CTNNA3: variants seen among roughly 807,000 people sequenced by gnomAD.
CTNNA3 encodes catenin alpha-3.
CTNNA3 carries 76 observed loss-of-function variants against 95.7 expected under a neutral mutation model. The ratio of observed to expected loss-of-function variants is 0.79; its 90% CI spans 0.66 to 0.96. The LOEUF (loss-of-function observed/expected upper bound fraction) is 0.96. Ranked by LOEUF, CTNNA3 falls within the 40% of genes least tolerant of loss-of-function variation. CTNNA3 has a pLI of 0.00. For missense variants in CTNNA3, 1,191 were observed against 1,089.8 expected (o/e 1.09, Z -1.31); for synonymous variants, 431 against 374.4 (o/e 1.15, Z -1.74).
At chr10:66,726,123 C>T (rs1245832589) in intron 9 of CTNNA3, among the ~76,000 whole-genome samples, 1 of 151,836 alleles carries the variant, frequency 6.6e-6, no homozygotes, top group Non-Finnish European at 1.5e-5. Context: ...TATAAGAGCT[C>T]GACATAATGT....
chr10:67,602,171 A>ATT (rs2133370469), intron 3 of CTNNA3, among the ~76,000 whole-genome samples: 1 of 138,050 alleles, frequency 7.2e-6, no homozygotes, highest in South Asian at 2.5e-4. Context: ...CCTTCACCTT[A>ATT]TGCCACTGGA....
At chr10:67,583,615 G>C (rs1842500258) in intron 3 of CTNNA3, among the ~76,000 whole-genome samples, 1 of 152,178 alleles carries the variant, frequency 6.6e-6, no homozygotes, top group Admixed American at 6.5e-5. Flanking sequence ...TGCCTTGCTA[G>C]GTTGTGGAAG....
chr10:66,370,870 TG>T (rs2092748914), intron 12 of CTNNA3, among the ~76,000 whole-genome samples: 1 of 152,034 alleles, frequency 6.6e-6, no homozygotes, highest in South Asian at 2.1e-4. Context: ...CCACCATGCC[TG>T]GCTAACATTT....
intron 7 of CTNNA3, among the ~76,000 whole-genome samples, chr10:67,063,473 G>C (rs185260842): frequency 1.4e-3 from 212 of 152,266 alleles, no homozygotes; most frequent in African/African-American, 4.9e-3. Flanking sequence ...GTGAGGCAGG[G>C]TCAAGAGTTC....
chr10:66,183,573 A>T (rs2086164632), intron 13 of CTNNA3, among the ~76,000 whole-genome samples: 1 of 152,254 alleles, frequency 6.6e-6, no homozygotes. Context: ...ATACTATGCC[A>T]ATGGGCATTG....
intron 15 of CTNNA3, among the ~76,000 whole-genome samples, chr10:66,028,977 A>G (rs1366397343): frequency 6.6e-6 from 1 of 152,172 alleles, no homozygotes; most frequent in East Asian, 1.9e-4. Flanking sequence ...ATTGGAAGAT[A>G]AAATGAAGAA....
At chr10:66,236,679 GA>G (rs1462519820) in intron 13 of CTNNA3, among the ~76,000 whole-genome samples, 1 of 151,970 alleles carries the variant, frequency 6.6e-6, no homozygotes, top group Non-Finnish European at 1.5e-5. Flanking sequence ...GGTTTTCAGA[GA>G]AAAAATACAC....
intron 1 of CTNNA3, among the ~76,000 whole-genome samples, chr10:67,703,862 T>C (rs1394393566): frequency 6.6e-6 from 1 of 152,216 alleles, no homozygotes; most frequent in Admixed American, 6.5e-5. Context: ...GACATGATTG[T>C]ATATCTAGAA....
In CTNNA3 at chr10:66,778,601, C is replaced by T. The variant is rs545519605; in HGVS notation, c.1048-3077G>A. Among the ~76,000 whole-genome samples, 250 of 152,134 alleles carry T rather than the reference C, an allele frequency of 1.6e-3. 1 individual carries two copies. The highest frequency in any genetic ancestry group is 5.6e-3 in the African/African-American group (233 of 41,496). On this transcript the variant is annotated intron_variant, in intron 7 of 17. Transcript: ENST00000433211. Reference sequence around the variant, plus strand: ...GGAGTGTCAGGCAGATAGACACTCACATGGCACAGGTCAGCACTGTATAGG... The same window carrying T: ...GGAGTGTCAGGCAGATAGACACTCATATGGCACAGGTCAGCACTGTATAGG...
chr10:66,342,340 A>T (rs2092462563), intron 12 of CTNNA3, among the ~76,000 whole-genome samples: 1 of 152,038 alleles, frequency 6.6e-6, no homozygotes, highest in African/African-American at 2.4e-5. Flanking sequence ...AAATGAATAG[A>T]TAATTGAGGA....
At chr10:67,257,734 A>T (rs988555797) in intron 5 of CTNNA3, among the ~76,000 whole-genome samples, 2 of 152,140 alleles carry the variant, frequency 1.3e-5, no homozygotes, top group Admixed American at 1.3e-4. Flanking sequence ...GGATAAGAAA[A>T]ACCAAATTTT....
chr10:66,849,153 C>A (rs1171690197), intron 7 of CTNNA3, among the ~76,000 whole-genome samples: 1 of 152,158 alleles, frequency 6.6e-6, no homozygotes, highest in Non-Finnish European at 1.5e-5. Flanking sequence ...TAATGGAACA[C>A]CTCATTTAAG....
chr10:66,521,124 AAAT>A (rs139745874), intron 10 of CTNNA3, among the ~76,000 whole-genome samples: 123 of 151,470 alleles, frequency 8.1e-4, no homozygotes, highest in African/African-American at 2.8e-3. Flanking sequence ...AAAAACAGTA[AAAT>A]GTCTCCATAT....
intron 7 of CTNNA3, among the ~76,000 whole-genome samples, chr10:67,069,260 C>T (rs1361096325): frequency 6.6e-6 from 1 of 151,848 alleles, no homozygotes; most frequent in South Asian, 2.1e-4. Flanking sequence ...ATTAGAGAAT[C>T]TCAGAATTAA....
chr10:67,490,841 C>G (rs367900938), intron 5 of CTNNA3, among the ~76,000 whole-genome samples: 38 of 152,116 alleles, frequency 2.5e-4, no homozygotes, highest in African/African-American at 8.7e-4. Context: ...GGAAACTACA[C>G]AGTGAACATA....
chr10:66,371,113 C>G (rs141959936), intron 12 of CTNNA3, among the ~76,000 whole-genome samples: 1 of 152,016 alleles, frequency 6.6e-6, no homozygotes, highest in Non-Finnish European at 1.5e-5. Context: ...GTCAAAGTAC[C>G]CATTCCGTTG....
At chr10:67,504,454 A>AAAC (rs1839368424) in intron 5 of CTNNA3, among the ~76,000 whole-genome samples, 1 of 150,318 alleles carries the variant, frequency 6.7e-6, no homozygotes, top group African/African-American at 2.4e-5. Flanking sequence ...AAAAAAAAAA[A>AAAC]AAAAAACAGA....
Position 67,186,555 on chromosome 10 carries a change from C to T in CTNNA3, c.844-6035G>A, listed in dbSNP as rs769987153. On this transcript the variant is annotated intron_variant, in intron 6 of 17. Coordinates refer to ENST00000433211, the MANE Select transcript of CTNNA3 (RefSeq NM_013266.4). ...ACTAAAGTTTTCACTAACCTTGTCA[C>T]TGAATCAATAAAAAGGCAAGAATTT... Among the ~76,000 whole-genome samples the T allele has an allele frequency of 7.2e-4, 109 of 152,174 alleles. 2 individuals are homozygous for T. Among genetic ancestry groups the T allele is most frequent in the Admixed American group, 9.8e-4 (15 of 15,276 alleles).
chr10:66,901,349 T>C (rs149371307), intron 7 of CTNNA3, among the ~76,000 whole-genome samples: 366 of 152,212 alleles, frequency 2.4e-3, no homozygotes, highest in African/African-American at 8.3e-3. Flanking sequence ...CACCACCAGG[T>C]CTGCCTTACA....
Sources: allele counts gnomAD v4.1 joint callset (sites outside exome capture counted in the v4.1 genomes callset), GRCh38; gene constraint gnomAD v4.1.1; transcripts MANE v1.5; gene names NCBI Gene and HGNC (gene_info 2026-07-23, HGNC 2026-07-21).